The following CHD6 variants were observed in gnomAD, a reference collection of about 807,000 sequenced individuals.
CHD6 encodes the protein ATP-dependent chromatin remodeler CHD6.
A neutral mutation model predicts 276.9 loss-of-function variants in CHD6; 50 were observed. That is an observed-to-expected ratio of 0.18 (90% CI 0.14 to 0.23). The LOEUF is 0.23. CHD6 is among the 10% of genes least tolerant of loss of function. The pLI, the probability that CHD6 is intolerant of heterozygous loss-of-function variation, is 1.00. For synonymous variants in CHD6, 1,173 were observed against 1,229.3 expected (o/e 0.95, Z 0.96); for missense variants, 2,564 against 3,365.8 (o/e 0.76, Z 5.89).
In CHD6 at chr20:41,608,338, G is replaced by A. The variant is rs1222484468; in HGVS notation, c.-24+10002C>T. Among the ~76,000 whole-genome samples, 4 of 152,084 alleles carry A rather than the reference G, an allele frequency of 2.6e-5. No homozygotes were observed. The South Asian group carries it at 8.3e-4, about 32-fold the overall frequency. Reference sequence around the variant, plus strand: ...ATATGAGAGAGGGATGTGCCAAAACGTTTCTAGTAAAGAAGAGCTATTAAA... The same window carrying A: ...ATATGAGAGAGGGATGTGCCAAAACATTTCTAGTAAAGAAGAGCTATTAAA... On this transcript the variant is annotated intron_variant, in intron 1 of 36. Transcript: ENST00000373233.
intron 2 of CHD6, among the ~76,000 whole-genome samples, chr20:41,544,745 A>T (rs1307613363): frequency 6.6e-6 from 1 of 150,658 alleles, no homozygotes; most frequent in Non-Finnish European, 1.5e-5. Context: ...ATATAATCAT[A>T]TGTACTGTTA....
chr20:41,544,074 T>C (rs2044995409), intron 2 of CHD6, among the ~76,000 whole-genome samples: 1 of 152,024 alleles, frequency 6.6e-6, no homozygotes, highest in Non-Finnish European at 1.5e-5. Context: ...ACCCTGTCTC[T>C]ACTAAAATAC....
At chr20:41,442,925 C>A (rs2047944407) in intron 25 of CHD6, among the ~76,000 whole-genome samples, 1 of 152,212 alleles carries the variant, frequency 6.6e-6, no homozygotes, top group African/African-American at 2.4e-5. Context: ...TGGCCCTATG[C>A]AGAGTCTGCA....
intron 1 of CHD6, among the ~76,000 whole-genome samples, chr20:41,565,341 G>A (rs529928407): frequency 2.6e-4 from 39 of 152,164 alleles, no homozygotes; most frequent in African/African-American, 8.7e-4. Context: ...TGATCCACCC[G>A]CCTCGGCCTC....
chr20:41,454,083 C>A (rs1005802140), intron 20 of CHD6, among the ~76,000 whole-genome samples: 1 of 152,178 alleles, frequency 6.6e-6, no homozygotes, highest in South Asian at 2.1e-4. Context: ...TACCTTGTAA[C>A]CCCACAGTGT....
intron 1 of CHD6, among the ~76,000 whole-genome samples, chr20:41,600,531 A>C (rs893084093): frequency 6.6e-6 from 1 of 152,268 alleles, no homozygotes; most frequent in East Asian, 1.9e-4. Context: ...AGGTATATAC[A>C]TATCTAAAAG....
At chr20:41,443,241 C>T (rs1000834842) in intron 25 of CHD6, among the ~76,000 whole-genome samples, 1 of 152,168 alleles carries the variant, frequency 6.6e-6, no homozygotes, top group Non-Finnish European at 1.5e-5. Flanking sequence ...AATTTGGGAG[C>T]GACCTTATGT....
chr20:41,487,003 TCTA>T (rs931223754), intron 14 of CHD6, among the ~76,000 whole-genome samples: 3 of 152,242 alleles, frequency 2.0e-5, no homozygotes, highest in Non-Finnish European at 2.9e-5. Flanking sequence ...AAGGACCACC[TCTA>T]CTATTTGTTC....
chr20:41,603,275 G>A (rs1299334937), intron 1 of CHD6, among the ~76,000 whole-genome samples: 35 of 152,122 alleles, frequency 2.3e-4, no homozygotes, highest in Admixed American at 2.3e-3. Flanking sequence ...CTGGGAGGCG[G>A]AGGTTGCAGT....
intron 2 of CHD6, among the ~76,000 whole-genome samples, chr20:41,535,629 T>G (rs1207412944): frequency 6.6e-6 from 1 of 151,936 alleles, no homozygotes; most frequent in African/African-American, 2.4e-5. Context: ...GAGGCTGAGG[T>G]GGGAGAACCA....
chr20:41,574,202 C>T (rs1028793100), intron 1 of CHD6, among the ~76,000 whole-genome samples: 1 of 152,054 alleles, frequency 6.6e-6, no homozygotes, highest in Non-Finnish European at 1.5e-5. Flanking sequence ...GGCAAACCAT[C>T]TAAAATGTAA....
At chr20:41,553,557 C>T (rs927957766) in intron 1 of CHD6, among the ~76,000 whole-genome samples, 3 of 152,240 alleles carry the variant, frequency 2.0e-5, no homozygotes, top group African/African-American at 4.8e-5. Context: ...ATTAGCAAAT[C>T]GGGTATTAGT....
chr20:41,498,980 T>C (rs538440534), intron 6 of CHD6, among the ~76,000 whole-genome samples: 1 of 152,226 alleles, frequency 6.6e-6, no homozygotes, highest in African/African-American at 2.4e-5. Context: ...TGGCCTCTAT[T>C]AGGACTTTTT....
Position 41,446,912 on chromosome 20 carries a change from T to A in CHD6, c.3773+970A>T, listed in dbSNP as rs371934185. On this transcript the variant is annotated intron_variant, in intron 24 of 36. Transcript: ENST00000373233. ...ACTTCCTACACATGACAGCGGTAAG[T>A]TCAGAGTACTTCTGCCAGGTAACAC... Among the ~76,000 whole-genome samples the A allele has an allele frequency of 5.9e-5, 9 of 152,326 alleles. 1 individual carries two copies. In the East Asian group the frequency reaches 7.7e-4, roughly 13 times the overall value.
chr20:41,612,322 G>A (rs148369590), intron 1 of CHD6, among the ~76,000 whole-genome samples: 238 of 152,248 alleles, frequency 1.6e-3, no homozygotes, highest in African/African-American at 5.4e-3. Context: ...GGTCATTAAT[G>A]ACCTCTTTCA....
intron 1 of CHD6, among the ~76,000 whole-genome samples, chr20:41,575,900 T>G (rs982388022): frequency 6.6e-6 from 1 of 152,152 alleles, no homozygotes; most frequent in African/African-American, 2.4e-5. Flanking sequence ...TGCTATGCCA[T>G]AAAATCCCAT....
chr20:41,558,879 T>A (rs2045269588), intron 1 of CHD6, among the ~76,000 whole-genome samples: 1 of 152,124 alleles, frequency 6.6e-6, no homozygotes, highest in African/African-American at 2.4e-5. Flanking sequence ...TACTCTCTTA[T>A]TCTAATTTCA....
At chr20:41,526,916 C>A (rs1253784548) in intron 3 of CHD6, among the ~76,000 whole-genome samples, 1 of 152,194 alleles carries the variant, frequency 6.6e-6, no homozygotes, top group East Asian at 1.9e-4. Flanking sequence ...ATCATTCTCT[C>A]TGGGGAATCC....
At chr20:41,451,370 A>G (rs754435840) in intron 22 of CHD6, among the ~76,000 whole-genome samples, 3 of 152,236 alleles carry the variant, frequency 2.0e-5, no homozygotes, top group Admixed American at 6.5e-5. Flanking sequence ...AAGGTGTAAC[A>G]TAACCTGTGC....
Sources: gnomAD v4.1 joint callset for allele counts (sites outside exome capture counted in the v4.1 genomes callset) on GRCh38, gnomAD v4.1.1 for gene constraint, MANE v1.5 for transcripts, NCBI Gene and HGNC (gene_info 2026-07-23, HGNC 2026-07-21) for gene names.